The following IKZF5 variants were observed in gnomAD, a reference collection of about 807,000 sequenced individuals.
IKZF5 encodes the protein IKAROS family zinc finger 5.
In IKZF5, 4 loss-of-function variants were observed where a neutral mutation model predicts 30.7. The observed-to-expected ratio is 0.13, with a 90% CI of 0.06 to 0.30. The LOEUF is 0.30. Among genes scored for constraint, IKZF5 ranks in the 10% least tolerant of loss-of-function variants. The pLI is 1.00. For synonymous variants in IKZF5, 148 were observed against 179.6 expected, an observed-to-expected ratio of 0.82 and a Z score of 1.41; for missense variants, 348 against 525.5, an observed-to-expected ratio of 0.66 and a Z score of 3.30.
intron 1 of IKZF5, 94 bp downstream of exon 1, chr10:123,008,600 C>T: frequency 3.4e-6 from 1 of 291,472 alleles, no homozygotes; most frequent in Non-Finnish European, 6.9e-6. Context: ...ATCAGCCGGC[C>T]CGCCACGAAC....
At position 122,992,901 on chromosome 10, in the gene IKZF5, A is replaced by G. The variant is rs1481179772; in HGVS notation, c.*879T>C. The G allele has an allele frequency of 1.3e-5, 2 of 152,580 alleles. No individual in the cohort carries two copies. Among genetic ancestry groups the G allele is most frequent in the South Asian group, 2.1e-4 (1 of 4,820 alleles). The allele number at this position is 152,580 out of a possible 1,614,324, so 9.5% of individuals were successfully genotyped here. ...AAGGAAGGAAAAGGAATCTTGAGAA[A>G]TTTGTTTGGAGGCTGCATTTTAATA... On this transcript the variant is annotated 3_prime_UTR_variant, in exon 5 of 5. Coordinates refer to ENST00000368886, the MANE Select transcript of IKZF5 (RefSeq NM_001372123.1).
chr10:122,994,082 T>C lies in IKZF5; in HGVS notation c.958A>G (p.Ser320Gly). 6.2e-7 allele frequency: 1 copy of C among 1,614,098 alleles called. No homozygotes were observed. The highest frequency in any genetic ancestry group is 1.7e-5 in the Admixed American group (1 of 60,012). The part of the protein sequence containing the change: ...PTSPEPRPSH[S>G]QRNYSPVAGP... ...GCCACTGGACTATAGTTCCTTTGAC[T>C]ATGGGATGGCCGAGGTTCTGGGCTT... Residue 320 changes from serine (S) to glycine (G), a missense_variant, in exon 5 of 5, where the codon AGT becomes GGT. Around this residue, in one of 4 missense-constraint regions of IKZF5, gnomAD observed 176 missense variants for 198.2 expected, o/e 0.89. Transcript: ENST00000368886. This position sits in a 1 kb window ranked among gnomAD's most constrained non-coding sequence, Gnocchi z 5.6.
At position 122,996,728 on chromosome 10, in the gene IKZF5, T is replaced by C. The variant is rs116147042; in HGVS notation, c.134-552A>G. Among the ~76,000 whole-genome samples, 502 of 152,076 alleles carry C rather than the reference T, an allele frequency of 3.3e-3. 2 individuals are homozygous for C. The highest frequency in any genetic ancestry group is 0.011 in the African/African-American group (477 of 41,500). On this transcript the variant is annotated intron_variant, in intron 3 of 4. Transcript: ENST00000368886. The stretch of plus-strand genomic sequence containing the variant: ...CAAAAACAAAGAAAACAAAATTACT[T>C]ACACACACATTGTACTGGTCCTTAA...
chr10:123,004,004 G>C (rs1292597356), intron 2 of IKZF5, among the ~76,000 whole-genome samples: 1 of 151,620 alleles, frequency 6.6e-6, no homozygotes, highest in Non-Finnish European at 1.5e-5. Flanking sequence ...ATGTTTATTT[G>C]AACTAGTTCT....
chr10:123,008,763 C>T lies in IKZF5; in HGVS notation c.-267G>A. The T allele has an allele frequency of 1.7e-6, 1 of 604,434 alleles. No homozygotes were observed. The highest frequency in any genetic ancestry group is 1.9e-5 in the South Asian group (1 of 52,080). The allele number at this position is 604,434 out of a possible 1,614,324, so 37.4% of individuals were successfully genotyped here. ...CCGTCGCCGCCGCCGCCGTCTTCGT[C>T]ACCGTCACAGTCGCCGCCGCCATCT... On this transcript the variant is annotated 5_prime_UTR_variant, in exon 1 of 5. Transcript: ENST00000368886.
At position 122,995,934 on chromosome 10, in the gene IKZF5, C is replaced by T. The variant is rs1849351508; in HGVS notation, c.316+60G>A. On this transcript the variant is annotated intron_variant, in intron 4 of 4. Transcript: ENST00000368886. ...ACTATTTCTATGACAAACCAACCTG[C>T]CCCCCTTGGCCCCTCTCCTGCCCTC... is the stretch of plus-strand genomic sequence containing the variant. The T allele has an allele frequency of 7.3e-6, 11 of 1,507,090 alleles. No individual in the cohort carries two copies. The South Asian group carries it at 1.2e-4, about 16-fold the overall frequency. 93.4% of individuals were successfully genotyped at this position (1,507,090 alleles called of 1,614,324 possible).
At chr10:123,007,526 G>C (rs546785592) in intron 1 of IKZF5, among the ~76,000 whole-genome samples, 3 of 152,114 alleles carry the variant, frequency 2.0e-5, no homozygotes, top group Non-Finnish European at 4.4e-5. Flanking sequence ...TAGTACTGCT[G>C]AACAGCTGTA....
In IKZF5 at chr10:122,993,607, C is replaced by T; in HGVS notation, c.*173G>A. ...GTTCTAATATATAAATGACCCTGAC[C>T]AGATTTTTATGAAAAAAAGGGGAAA... On this transcript the variant is annotated 3_prime_UTR_variant, in exon 5 of 5. Coordinates refer to ENST00000368886, the MANE Select transcript of IKZF5 (RefSeq NM_001372123.1). The T allele has an allele frequency of 2.0e-6, 1 of 491,714 alleles. No homozygotes were observed. Among genetic ancestry groups the T allele is most frequent in the Non-Finnish European group, 3.5e-6 (1 of 282,620 alleles). The allele number at this position is 491,714 out of a possible 1,614,324, so 30.5% of individuals were successfully genotyped here. A position where few individuals can be genotyped will look rare whatever the true frequency, so the allele number is the denominator to read the frequency against.
intron 2 of IKZF5, among the ~76,000 whole-genome samples, chr10:123,005,715 G>A (rs1004994211): frequency 6.6e-6 from 1 of 152,198 alleles, no homozygotes; most frequent in Non-Finnish European, 1.5e-5. Flanking sequence ...CTTGTGAAGA[G>A]ATCCAGAGAT....
intron 3 of IKZF5, 85 bp from the exon 4 acceptor site, chr10:122,996,261 T>C: frequency 8.4e-7 from 1 of 1,183,600 alleles, no homozygotes. Flanking sequence ...TGAAAAATCT[T>C]ATAAATTGAC....
At chr10:123,004,212 A>C (rs1849702190) in intron 2 of IKZF5, among the ~76,000 whole-genome samples, 1 of 152,122 alleles carries the variant, frequency 6.6e-6, no homozygotes, top group Admixed American at 6.5e-5. Context: ...CTGCGTTCTA[A>C]TTATAAAAGC....
chr10:122,998,148 C>G (rs1025964739), intron 3 of IKZF5: 1 of 168,172 alleles, frequency 5.9e-6, no homozygotes, highest in South Asian at 2.0e-4. Flanking sequence ...TATCTCAGGT[C>G]GAATCCAGAT....
At chr10:123,000,369 G>C (rs551570382) in intron 2 of IKZF5, among the ~76,000 whole-genome samples, 2 of 152,152 alleles carry the variant, frequency 1.3e-5, no homozygotes, top group East Asian at 1.9e-4. Context: ...CATTGTAATT[G>C]TAAGATTCAT....
intron 2 of IKZF5, 85 bp from the exon 3 acceptor site, chr10:122,998,756 G>C: frequency 1.6e-6 from 1 of 644,004 alleles, no homozygotes; most frequent in Non-Finnish European, 2.5e-6. Context: ...ACTATATAAA[G>C]CAAGAGAAAA....
In IKZF5 at chr10:122,994,222, G is replaced by A. The variant is rs1191050392; in HGVS notation, c.818C>T (p.Ala273Val). The change falls in exon 5 of 5, where the codon GCA becomes GTA. Residue 273 changes from alanine to valine, a missense_variant. Ala to Val is a moderately conservative substitution (Grantham distance 64). Around this residue, in one of 4 missense-constraint regions of IKZF5, gnomAD observed 176 missense variants for 198.2 expected, o/e 0.89. Coordinates refer to ENST00000368886, the MANE Select transcript of IKZF5 (RefSeq NM_001372123.1). This position sits in a 1 kb window ranked among gnomAD's most constrained non-coding sequence, Gnocchi z 5.6. ...SSLPPENQNP[A>V]SPDVVPCPDE... is the part of the protein sequence containing the mutation. ...AGGGCAGGGAACTACATCAGGGGATGCAGGGTTTTGGTTTTCGGGTGGCAG... is the reference window on the plus strand; with the variant it reads ...AGGGCAGGGAACTACATCAGGGGATACAGGGTTTTGGTTTTCGGGTGGCAG... 1 of 1,613,998 alleles carries A rather than the reference G, an allele frequency of 6.2e-7. No individual in the cohort carries two copies. Among genetic ancestry groups the A allele is most frequent in the African/African-American group, 1.3e-5 (1 of 74,890 alleles).
rs1849150320 is a variant in IKZF5 at position 122,991,148 on chromosome 10, T to C, written c.*2632A>G. 6.6e-6 allele frequency: 1 copy of C among 152,130 alleles called. No homozygotes were observed. The highest frequency in any genetic ancestry group is 2.1e-4 in the South Asian group (1 of 4,828). The allele number at this position is 152,130 out of a possible 1,614,324, so 9.4% of individuals were successfully genotyped here. A position where few individuals can be genotyped will look rare whatever the true frequency, so the allele number is the denominator to read the frequency against. On this transcript the variant is annotated 3_prime_UTR_variant, in exon 5 of 5. Transcript: ENST00000368886. The stretch of plus-strand genomic sequence containing the variant: ...TGAGTATTTTTTGTAGTATTCCCCT[T>C]GTCCAGTTTTTGCAGAAGAATGGCA...
intron 4 of IKZF5, 58 bp downstream of exon 4, chr10:122,995,936 C>T (rs903093734): frequency 3.9e-6 from 6 of 1,525,702 alleles, no homozygotes; most frequent in Non-Finnish European, 5.4e-6. Context: ...CCAACCTGCC[C>T]CCCTTGGCCC....
Position 122,992,261 on chromosome 10 carries a change from T to C in IKZF5, c.*1519A>G, listed in dbSNP as rs1043590556. ...TCTGAAAGGGAAAGCAGAGATTCCATTAACTTGGCACTTGGGGGTTTTGTG... is the reference window on the plus strand; with the variant it reads ...TCTGAAAGGGAAAGCAGAGATTCCACTAACTTGGCACTTGGGGGTTTTGTG... On this transcript the variant is annotated 3_prime_UTR_variant, in exon 5 of 5. Transcript: ENST00000368886. 6.2e-4 allele frequency: 95 copies of C among 152,210 alleles called. No individual in the cohort carries two copies. The highest frequency in any genetic ancestry group is 2.2e-3 in the African/African-American group (90 of 41,464). 9.4% of individuals were successfully genotyped at this position (152,210 alleles called of 1,614,324 possible). A position where few individuals can be genotyped will look rare whatever the true frequency, so the allele number is the denominator to read the frequency against.
Position 122,997,964 on chromosome 10 carries a change from G to A in IKZF5, c.133+529C>T, listed in dbSNP as rs143013062. ...CACGGGCTATAGTTTGCTGACCTCC[G>A]AGCTAGGTTAGGAATAAATTCCAGT... On this transcript the variant is annotated intron_variant, in intron 3 of 4. Coordinates refer to ENST00000368886, the MANE Select transcript of IKZF5 (RefSeq NM_001372123.1). 1.2e-4 allele frequency among the ~76,000 whole-genome samples: 19 copies of A among 152,242 alleles called. 1 individual carries two copies. The South Asian group carries it at 2.9e-3, about 23-fold the overall frequency.
Sources: gnomAD v4.1 joint callset for allele counts (sites outside exome capture counted in the v4.1 genomes callset) on GRCh38, gnomAD v4.1.1 for gene constraint, gnomAD v4.1.1 regional missense constraint, Gnocchi (gnomAD v3.1) non-coding constraint, MANE v1.5 for transcripts, NCBI Gene and HGNC (gene_info 2026-07-23, HGNC 2026-07-21) for gene names.